TXNRD3: variants seen among roughly 807,000 people sequenced by gnomAD.
TXNRD3 encodes the protein TXNRD3 neighbor gene protein.
TXNRD3 carries 68 observed loss-of-function variants against 78.2 expected under a neutral mutation model. The observed-to-expected ratio is 0.87, with a 90% CI of 0.72 to 1.06. TXNRD3 has a LOEUF of 1.06. TXNRD3 is among the 50% of genes least tolerant of loss of function. The pLI is 0.00. For missense variants in TXNRD3, 751 were observed against 809.5 expected (o/e 0.93, Z 0.88); for synonymous variants, 296 against 300.1 (o/e 0.99, Z 0.14).
intron 5 of TXNRD3, among the ~76,000 whole-genome samples, chr3:126,643,436 C>T (rs928677237): frequency 2.0e-5 from 3 of 152,212 alleles, no homozygotes; most frequent in African/African-American, 4.8e-5. Flanking sequence ...GTAATTATTA[C>T]ATACACTCAC....
chr3:126,649,519 A>G (rs971534381), intron 1 of TXNRD3, among the ~76,000 whole-genome samples: 6 of 152,246 alleles, frequency 3.9e-5, no homozygotes, highest in African/African-American at 1.4e-4. Context: ...CTGAAAGCAG[A>G]GACTCAAATA....
At chr3:126,608,418 A>AGT in intron 15 of TXNRD3, 81 bp downstream of exon 15, 1 of 1,336,020 alleles carries the variant, frequency 7.5e-7, no homozygotes. Context: ...TACTAATATG[A>AGT]CATCTTTCTG....
chr3:126,641,905 T>G, intron 6 of TXNRD3, 127 bp downstream of exon 6: 1 of 1,203,896 alleles, frequency 8.3e-7, no homozygotes, highest in African/African-American at 1.5e-5. Context: ...GCTGACACAG[T>G]AGCTTCCTAA....
At chr3:126,617,285 C>T (rs1288794804) in intron 12 of TXNRD3, among the ~76,000 whole-genome samples, 4 of 152,126 alleles carry the variant, frequency 2.6e-5, no homozygotes, top group Non-Finnish European at 4.4e-5. Flanking sequence ...ATCCCTCCTC[C>T]CCACAGTCAC....
At chr3:126,614,841 G>C in intron 13 of TXNRD3, among the ~76,000 whole-genome samples, 1 of 152,066 alleles carries the variant, frequency 6.6e-6, no homozygotes, top group East Asian at 1.9e-4. Flanking sequence ...TCCTAGTTGG[G>C]AGAGTAGGCA....
intron 5 of TXNRD3, 119 bp downstream of exon 5, chr3:126,643,862 C>G: frequency 3.1e-6 from 3 of 976,502 alleles, no homozygotes. Context: ...CGCTTGTTTT[C>G]TTATCCAAGA....
chr3:126,649,291 T>C (rs1477084113), intron 1 of TXNRD3, among the ~76,000 whole-genome samples: 2 of 152,194 alleles, frequency 1.3e-5, no homozygotes, highest in African/African-American at 4.8e-5. Context: ...AAAACCACAA[T>C]AATACTTCAC....
At chr3:126,654,232 T>C (rs1379748132) in intron 1 of TXNRD3, among the ~76,000 whole-genome samples, 1 of 152,188 alleles carries the variant, frequency 6.6e-6, no homozygotes, top group Non-Finnish European at 1.5e-5. Context: ...AACCCAATAG[T>C]TTATGCTTTT....
chr3:126,633,555 G>A (rs1559776146), intron 7 of TXNRD3, among the ~76,000 whole-genome samples: 2 of 152,104 alleles, frequency 1.3e-5, no homozygotes, highest in African/African-American at 4.8e-5. Flanking sequence ...TAATATTGGA[G>A]TTCTAGTTAA....
At chr3:126,620,945 G>A (rs533422108) in intron 12 of TXNRD3, among the ~76,000 whole-genome samples, 13 of 152,076 alleles carry the variant, frequency 8.5e-5, no homozygotes, top group Middle Eastern at 3.2e-3. Flanking sequence ...CCAGTCATCC[G>A]TCTCCCGCCA....
In TXNRD3 at chr3:126,655,071, A is replaced by G. The variant is rs1169925862; in HGVS notation, c.-81T>C. 8.5e-6 allele frequency: 11 copies of G among 1,297,750 alleles called. No individual in the cohort carries two copies. The highest frequency in any genetic ancestry group is 7.8e-6 in the Non-Finnish European group (8 of 1,024,056). 80.4% of individuals were successfully genotyped at this position (1,297,750 alleles called of 1,614,324 possible). On this transcript the variant is annotated 5_prime_UTR_variant, in exon 1 of 16. Coordinates refer to ENST00000524230, the MANE Select transcript of TXNRD3 (RefSeq NM_052883.3). ...GGCTGCGGCGCCGGGACGGGGCCTG[A>G]GGGGCGGCGAACGCTGCCCTCGCTG...
chr3:126,644,698 C>T (rs906359569), intron 3 of TXNRD3, among the ~76,000 whole-genome samples: 2 of 152,172 alleles, frequency 1.3e-5, no homozygotes, highest in African/African-American at 4.8e-5. Flanking sequence ...AGGTCATTTT[C>T]CTTGGTCTAA....
chr3:126,623,075 CT>C (rs1938494609), intron 10 of TXNRD3, among the ~76,000 whole-genome samples: 1 of 152,178 alleles, frequency 6.6e-6, no homozygotes, highest in African/African-American at 2.4e-5. Context: ...TTTACGCCCC[CT>C]GGTCTGTGGT....
intron 6 of TXNRD3, among the ~76,000 whole-genome samples, chr3:126,639,451 A>G (rs1933000334): frequency 6.6e-6 from 1 of 152,156 alleles, no homozygotes; most frequent in Non-Finnish European, 1.5e-5. Context: ...TCTCACACCC[A>G]GCTCTCGCCC....
intron 10 of TXNRD3, among the ~76,000 whole-genome samples, 151 bp from the exon 11 acceptor site, chr3:126,622,691 A>AT (rs1349460077): frequency 3.3e-5 from 5 of 152,230 alleles, no homozygotes; most frequent in African/African-American, 4.8e-5. Flanking sequence ...GGTGAAATAG[A>AT]TTCCTTAAAA....
intron 12 of TXNRD3, among the ~76,000 whole-genome samples, chr3:126,620,707 T>C (rs1278378102): frequency 6.6e-6 from 1 of 152,212 alleles, no homozygotes; most frequent in Non-Finnish European, 1.5e-5. Context: ...AGATCCCTAC[T>C]GCCTAGAGAA....
chr3:126,607,879 A>G lies in TXNRD3; in HGVS notation c.*26T>C. The G allele has an allele frequency of 6.7e-7, 1 of 1,490,594 alleles. No homozygotes were observed. Among genetic ancestry groups the G allele is most frequent in the Admixed American group, 2.0e-5 (1 of 49,408 alleles). The allele number at this position is 1,490,594 out of a possible 1,614,324, so 92.3% of individuals were successfully genotyped here. The stretch of plus-strand genomic sequence containing the variant: ...TATCTTTGAGAGAAATGAGAATATG[A>G]CAAGGAGAACTAAACAGCAGCAGGC... On this transcript the variant is annotated 3_prime_UTR_variant, in exon 16 of 16. Coordinates refer to ENST00000524230, the MANE Select transcript of TXNRD3 (RefSeq NM_052883.3).
chr3:126,653,152 AGTCTG>A (rs1371836077), intron 1 of TXNRD3, among the ~76,000 whole-genome samples: 1 of 152,232 alleles, frequency 6.6e-6, no homozygotes, highest in Non-Finnish European at 1.5e-5. Flanking sequence ...TTTATTTAAA[AGTCTG>A]GTGATTTCTT....
intron 13 of TXNRD3, 41 bp from the exon 14 acceptor site, chr3:126,611,173 A>T (rs1476881822): frequency 7.9e-7 from 1 of 1,258,118 alleles, no homozygotes; most frequent in Non-Finnish European, 1.1e-6. Flanking sequence ...ATTAATGTAT[A>T]TGGAAACCAT....
Sources: gnomAD v4.1 joint callset for allele counts (sites outside exome capture counted in the v4.1 genomes callset) on GRCh38, gnomAD v4.1.1 for gene constraint, MANE v1.5 for transcripts, NCBI Gene and HGNC (gene_info 2026-07-23, HGNC 2026-07-21) for gene names.